SYNPO2: variants seen among roughly 807,000 people sequenced by gnomAD.
SYNPO2 encodes the protein synaptopodin-2.
In SYNPO2, 56 loss-of-function variants were observed where a neutral mutation model predicts 85.0. The ratio of observed to expected loss-of-function variants is 0.66; its 90% CI spans 0.53 to 0.82. The LOEUF (loss-of-function observed/expected upper bound fraction) is 0.82. SYNPO2 is among the 40% of genes least tolerant of loss of function. SYNPO2 has a pLI of 0.00. For synonymous variants in SYNPO2, 602 were observed against 591.1 expected (o/e 1.02, Z -0.27); for missense variants, 1,575 against 1,534.2 (o/e 1.03, Z -0.44).
intron 1 of SYNPO2, among the ~76,000 whole-genome samples, chr4:118,855,397 A>T (rs1731487761): frequency 6.6e-6 from 1 of 152,186 alleles, no homozygotes; most frequent in Non-Finnish European, 1.5e-5. Context: ...AAAAGACAGT[A>T]ATTGTGAAAA....
intron 1 of SYNPO2, among the ~76,000 whole-genome samples, chr4:118,915,722 T>G (rs1014436076): frequency 2.0e-5 from 3 of 152,170 alleles, no homozygotes; most frequent in Non-Finnish European, 4.4e-5. Context: ...GGTCATAGGT[T>G]TGTAAATGAT....
chr4:118,920,317 A>G (rs1733491280), intron 1 of SYNPO2, among the ~76,000 whole-genome samples: 1 of 152,196 alleles, frequency 6.6e-6, no homozygotes, highest in Non-Finnish European at 1.5e-5. Flanking sequence ...CAGGGTGCCT[A>G]GTAAGCAATT....
Position 119,036,344 on chromosome 4 carries a change from C to G in SYNPO2, c.3252+4317C>G, listed in dbSNP as rs562649745. On this transcript the variant is annotated intron_variant, in intron 4 of 4. Transcript: ENST00000307142. ...GAAAAAATATATAAATTCTAAGAACCAACACTGTATTCCCAGAAACATGAC... is the reference window on the plus strand; with the variant it reads ...GAAAAAATATATAAATTCTAAGAACGAACACTGTATTCCCAGAAACATGAC... 2.2e-5 allele frequency: 22 copies of G among 985,254 alleles called. No homozygotes were observed. The South Asian group carries it at 8.5e-4, about 38-fold the overall frequency. The allele number at this position is 985,254 out of a possible 1,614,324, so 61.0% of individuals were successfully genotyped here. A position where few individuals can be genotyped will look rare whatever the true frequency, so the allele number is the denominator to read the frequency against.
chr4:118,905,689 C>T (rs1285245983), intron 1 of SYNPO2, among the ~76,000 whole-genome samples: 2 of 152,116 alleles, frequency 1.3e-5, no homozygotes, highest in African/African-American at 4.8e-5. Context: ...CTCCCTTTCC[C>T]TGGCCAGCCA....
intron 1 of SYNPO2, among the ~76,000 whole-genome samples, chr4:118,915,467 T>C (rs1733284685): frequency 6.6e-6 from 1 of 152,166 alleles, no homozygotes; most frequent in South Asian, 2.1e-4. Context: ...TCGGGACTTG[T>C]TTTTCCACTT....
At chr4:119,032,705 A>T in intron 4 of SYNPO2, 1 of 966,796 alleles carries the variant, frequency 1.0e-6, no homozygotes. Flanking sequence ...ACATATATAA[A>T]CTCATTTCAG....
upstream of SYNPO2, among the ~76,000 whole-genome samples, chr4:118,885,469 C>CTTTTTTTTT (rs200816127): frequency 2.1e-5 from 3 of 140,932 alleles, no homozygotes; most frequent in Admixed American, 7.1e-5. Flanking sequence ...ATCCATAGGT[C>CTTTTTTTTT]TTTTTTTTTT....
At chr4:119,035,601 C>A (rs1169389326) in intron 4 of SYNPO2, 2 of 985,134 alleles carry the variant, frequency 2.0e-6, no homozygotes, top group Non-Finnish European at 2.4e-6. Flanking sequence ...TATATCAAGG[C>A]TTTGAATTAA....
intron 1 of SYNPO2, among the ~76,000 whole-genome samples, chr4:118,979,435 T>G (rs924756666): frequency 1.3e-5 from 2 of 152,234 alleles, no homozygotes; most frequent in African/African-American, 2.4e-5. Flanking sequence ...CACCCTCAGC[T>G]CTAAGTCAGA....
chr4:119,055,567 G>A (rs1419656887), intron 4 of SYNPO2, among the ~76,000 whole-genome samples: 1 of 152,218 alleles, frequency 6.6e-6, no homozygotes, highest in Non-Finnish European at 1.5e-5. Flanking sequence ...TCAGCTTATA[G>A]AAGAATACCT....
intron 1 of SYNPO2, among the ~76,000 whole-genome samples, chr4:119,010,094 G>A (rs1737234006): frequency 6.6e-6 from 1 of 152,162 alleles, no homozygotes; most frequent in African/African-American, 2.4e-5. Flanking sequence ...CGTGGGAGGT[G>A]GCATTGTGTT....
At chr4:118,976,033 A>G (rs1276662458) in intron 1 of SYNPO2, among the ~76,000 whole-genome samples, 1 of 152,242 alleles carries the variant, frequency 6.6e-6, no homozygotes, top group African/African-American at 2.4e-5. Flanking sequence ...AGAGCTTTTG[A>G]AATCTTTCTT....
At chr4:118,985,744 AC>A (rs1264174808) in intron 1 of SYNPO2, among the ~76,000 whole-genome samples, 1 of 152,228 alleles carries the variant, frequency 6.6e-6, no homozygotes, top group African/African-American at 2.4e-5. Flanking sequence ...CCTGCACAGA[AC>A]TTGGTTCAGT....
chr4:119,052,773 G>A (rs1739094363), intron 4 of SYNPO2, among the ~76,000 whole-genome samples: 4 of 152,202 alleles, frequency 2.6e-5, no homozygotes, highest in Non-Finnish European at 5.9e-5. Context: ...AATAAAACTG[G>A]TTTGAGTAAC....
intron 1 of SYNPO2, among the ~76,000 whole-genome samples, chr4:118,937,979 A>T (rs1282077850): frequency 3.3e-5 from 5 of 152,158 alleles, no homozygotes; most frequent in Non-Finnish European, 7.3e-5. Flanking sequence ...ATGCTATATA[A>T]ATAGTTGTTG....
chr4:119,000,954 A>G (rs1174208641), intron 1 of SYNPO2, among the ~76,000 whole-genome samples: 1 of 152,200 alleles, frequency 6.6e-6, no homozygotes, highest in Non-Finnish European at 1.5e-5. Context: ...TATTAGGCCT[A>G]GAGTTTCATA....
chr4:119,061,015 T>G lies in SYNPO2; in HGVS notation c.*3081T>G, dbSNP rs1229947525. ...ATCAAACAGGCACAGTTATTACAAC[T>G]AGAGAGAAATTCCAGAAATATTTGT... On this transcript the variant is annotated 3_prime_UTR_variant, in exon 5 of 5. Coordinates refer to ENST00000307142, the MANE Select transcript of SYNPO2 (RefSeq NM_133477.3). The G allele has an allele frequency of 6.6e-6, 1 of 152,110 alleles. No homozygotes were observed. The highest frequency in any genetic ancestry group is 6.6e-5 in the Admixed American group (1 of 15,258). 9.4% of individuals were successfully genotyped at this position (152,110 alleles called of 1,614,324 possible).
Position 119,031,625 on chromosome 4 carries a change from G to T in SYNPO2, c.2850G>T (p.Met950Ile). 6.2e-7 allele frequency: 1 copy of T among 1,614,054 alleles called. No homozygotes were observed. Among genetic ancestry groups the T allele is most frequent in the Non-Finnish European group, 8.5e-7 (1 of 1,180,018 alleles). Reference sequence around the variant, plus strand: ...CATCAGCTGCACAGCCCTCCAAAATGGGCAAGAAAAAGGGAAAGAAACCCC... The same window carrying T: ...CATCAGCTGCACAGCCCTCCAAAATTGGCAAGAAAAAGGGAAAGAAACCCC... ...SQPSAAQPSK[M>I]GKKKGKKPLN... is the part of the protein sequence containing the mutation. Residue 950 changes from methionine to isoleucine, a missense_variant, in exon 4 of 5, where the codon ATG becomes ATT. By Grantham distance (10) the Met-to-Ile change is conservative. Around this residue, in one of 3 missense-constraint regions of SYNPO2, gnomAD observed 1,508 missense variants for 1,446.8 expected, o/e 1.04. Transcript: ENST00000307142.
At chr4:119,017,080 C>T (rs960826109) in intron 1 of SYNPO2, among the ~76,000 whole-genome samples, 1 of 152,094 alleles carries the variant, frequency 6.6e-6, no homozygotes, top group Admixed American at 6.6e-5. Flanking sequence ...CAAACCAAAA[C>T]CCAACATGAG....
Sources: gnomAD v4.1 joint callset for allele counts (sites outside exome capture counted in the v4.1 genomes callset) on GRCh38, gnomAD v4.1.1 for gene constraint, gnomAD v4.1.1 regional missense constraint, MANE v1.5 for transcripts, NCBI Gene and HGNC (gene_info 2026-07-23, HGNC 2026-07-21) for gene names.